The following BRD8 variants were observed in gnomAD, a reference collection of about 807,000 sequenced individuals.
BRD8 encodes bromodomain-containing protein 8.
Under a neutral mutation model 143.1 loss-of-function variants are expected in BRD8, and 67 were observed. That is an observed-to-expected ratio of 0.47 (90% confidence interval 0.38 to 0.57). The LOEUF is 0.57. Among genes scored for constraint, BRD8 ranks in the 20% least tolerant of loss-of-function variants. The pLI, the probability that BRD8 is intolerant of heterozygous loss-of-function variation, is 0.00. For synonymous variants in BRD8, 505 were observed against 517.1 expected, an observed-to-expected ratio of 0.98 and a Z score of 0.32; for missense variants, 1,103 against 1,503.0, an observed-to-expected ratio of 0.73 and a Z score of 4.40.
chr5:138,148,382 G>C (rs1347207787), intron 23 of BRD8, among the ~76,000 whole-genome samples: 1 of 151,898 alleles, frequency 6.6e-6, no homozygotes, highest in African/African-American at 2.4e-5. Flanking sequence ...TTCTTGTTTT[G>C]TTTTCTGAGA....
intron 20 of BRD8, among the ~76,000 whole-genome samples, chr5:138,158,938 G>A (rs1310140454): frequency 6.6e-6 from 1 of 151,682 alleles, no homozygotes; most frequent in Non-Finnish European, 1.5e-5. Flanking sequence ...ACAGCTAGTA[G>A]GGTTTTTTGT....
At chr5:138,169,392 C>T (rs1331334613) in intron 7 of BRD8, 34 bp from the exon 8 acceptor site, 3 of 1,605,180 alleles carry the variant, frequency 1.9e-6, no homozygotes, top group South Asian at 2.2e-5. Context: ...TCCAAATCTT[C>T]AAGATTAAAT....
rs745772814 is a variant in BRD8 at position 138,145,782 on chromosome 5, G to A, written c.3368+7C>T. On this transcript the variant is annotated splice_region_variant and intron_variant, in intron 24 of 26. Coordinates refer to ENST00000254900, the MANE Select transcript of BRD8 (RefSeq NM_139199.2). Reference sequence around the variant, plus strand: ...AACATAATCCTATTACCACTTTGGAGACCTACCTGTGACTGGCAATCATCT... The same window carrying A: ...AACATAATCCTATTACCACTTTGGAAACCTACCTGTGACTGGCAATCATCT... 6.2e-7 allele frequency: 1 copy of A among 1,611,880 alleles called. No individual in the cohort carries two copies. The highest frequency in any genetic ancestry group is 8.5e-7 in the Non-Finnish European group (1 of 1,178,082).
chr5:138,156,259 C>T (rs1214719881), intron 20 of BRD8, among the ~76,000 whole-genome samples: 1 of 152,058 alleles, frequency 6.6e-6, no homozygotes, highest in Non-Finnish European at 1.5e-5. Flanking sequence ...TCTGCCTCAG[C>T]CTCTCAAATA....
chr5:138,161,924 T>TA (rs1753028851), intron 16 of BRD8, 60 bp from the exon 17 acceptor site: 38 of 1,592,994 alleles, frequency 2.4e-5, no homozygotes, highest in Non-Finnish European at 3.0e-5. Flanking sequence ...GGAGGGAACT[T>TA]ACTCTAAGTA....
rs1164826324 is a variant in BRD8 at position 138,160,018 on chromosome 5, G to C, written c.2532+51C>G. On this transcript the variant is annotated intron_variant, in intron 19 of 26. Transcript: ENST00000254900. ...AACATAAGGGTCCTTGGATGCTTCA[G>C]ACTTCTACTACTGGAACACTGGCAC... The C allele has an allele frequency of 7.0e-7, 1 of 1,427,494 alleles. No individual in the cohort carries two copies. Among genetic ancestry groups the C allele is most frequent in the Admixed American group, 1.7e-5 (1 of 59,686 alleles). The allele number at this position is 1,427,494 out of a possible 1,614,324, so 88.4% of individuals were successfully genotyped here.
intron 2 of BRD8, among the ~76,000 whole-genome samples, chr5:138,176,225 A>G (rs1257651146): frequency 6.6e-6 from 1 of 152,166 alleles, no homozygotes; most frequent in African/African-American, 2.4e-5. Flanking sequence ...GTGATTAAAA[A>G]AAACAAAAAA....
intron 25 of BRD8, among the ~76,000 whole-genome samples, chr5:138,141,091 T>C (rs1194436273): frequency 2.6e-5 from 4 of 151,994 alleles, no homozygotes; most frequent in Non-Finnish European, 5.9e-5. Context: ...ACTCACTTAA[T>C]CCTCTCAATA....
In BRD8 at chr5:138,152,625, C is replaced by T. The variant is rs764808196; in HGVS notation, c.2713G>A (p.Glu905Lys). Residue 905 changes from glutamate (E) to lysine (K), a missense_variant, in exon 21 of 27, where the codon GAG becomes AAG. Glu to Lys is a moderately conservative substitution (Grantham distance 56). Around this residue, in one of 7 missense-constraint regions of BRD8, gnomAD observed 369 missense variants for 445.5 expected, o/e 0.83. Transcript: ENST00000254900. ...DLDVGNWRET[E>K]DPEAEELEES... ...TCTAGTTCCTCAGCCTCTGGATCCT[C>T]AGTTTCCCTCCAGTTGCCCACATCA... is the stretch of plus-strand genomic sequence containing the variant. The T allele has an allele frequency of 8.1e-6, 13 of 1,614,122 alleles. No individual in the cohort carries two copies. Among genetic ancestry groups the T allele is most frequent in the Non-Finnish European group, 7.6e-6 (9 of 1,180,036 alleles).
intron 23 of BRD8, among the ~76,000 whole-genome samples, chr5:138,146,221 C>T (rs1328587055): frequency 6.6e-6 from 1 of 151,960 alleles, no homozygotes; most frequent in African/African-American, 2.4e-5. Flanking sequence ...CCACACCCAA[C>T]TAATTTTTGT....
intron 23 of BRD8, among the ~76,000 whole-genome samples, chr5:138,146,882 A>G (rs1336698803): frequency 6.8e-6 from 1 of 147,760 alleles, no homozygotes; most frequent in East Asian, 2.2e-4. Flanking sequence ...AGGCAGGAGA[A>G]TGGTGTGAAC....
intron 1 of BRD8, 98 bp downstream of exon 1, chr5:138,178,498 C>T: frequency 8.6e-7 from 1 of 1,156,814 alleles, no homozygotes; most frequent in Non-Finnish European, 1.3e-6. Flanking sequence ...GGCTCTCAAG[C>T]AACCCACTTC....
chr5:138,156,886 G>GTTT, intron 20 of BRD8: 1 of 996,300 alleles, frequency 1.0e-6, no homozygotes, highest in Non-Finnish European at 1.2e-6. Flanking sequence ...CCAAAGGCTA[G>GTTT]TTTTTTTTTT....
intron 2 of BRD8, among the ~76,000 whole-genome samples, chr5:138,174,820 A>C (rs1282152029): frequency 6.6e-6 from 1 of 151,938 alleles, no homozygotes; most frequent in East Asian, 1.9e-4. Flanking sequence ...CTCTAATGTC[A>C]CTGTGAAGTT....
intron 25 of BRD8, among the ~76,000 whole-genome samples, chr5:138,141,690 T>G (rs942476885): frequency 2.0e-5 from 3 of 152,222 alleles, no homozygotes; most frequent in Non-Finnish European, 4.4e-5. Flanking sequence ...CTTCTCTTAC[T>G]GCACAAATAA....
In BRD8 at chr5:138,171,084, C is replaced by T; in HGVS notation, c.313G>A (p.Val105Ile). The stretch of plus-strand genomic sequence containing the variant: ...TTTATCACTTTCTTTAGTTCTTCAA[C>T]TCGCTCAGCAGTCAATTTCCGAACA... ...VIVRKLTAERVEELKKVIKET... is the reference protein window; with the variant it reads ...VIVRKLTAERIEELKKVIKET... The change falls in exon 5 of 27, where the codon GTT (valine) becomes ATT (isoleucine). Residue 105 changes from valine (V) to isoleucine (I), a missense_variant. By Grantham distance (29) the Val-to-Ile change is conservative. Coordinates refer to ENST00000254900, the MANE Select transcript of BRD8 (RefSeq NM_139199.2). The T allele has an allele frequency of 6.2e-7, 1 of 1,613,942 alleles. No homozygotes were observed. Among genetic ancestry groups the T allele is most frequent in the Non-Finnish European group, 8.5e-7 (1 of 1,179,954 alleles).
rs190873320 is a variant in BRD8 at position 138,157,338 on chromosome 5, T to G, written c.2577+2217A>C. ...GACAAGAGACGGTGCAACAGAAAAG[T>G]TGGGGATTTGGTTTCTTGGGGGAGA... On this transcript the variant is annotated intron_variant, in intron 20 of 26. Coordinates refer to ENST00000254900, the MANE Select transcript of BRD8 (RefSeq NM_139199.2). The G allele has an allele frequency of 3.2e-5, 51 of 1,592,610 alleles. 2 individuals are homozygous for G. The South Asian group carries it at 5.6e-4, about 17-fold the overall frequency.
At position 138,177,684 on chromosome 5, in the gene BRD8, A is replaced by AAG. The variant is rs779930063; in HGVS notation, c.20-18_20-17insCT. The AAG allele has an allele frequency of 1.3e-6, 2 of 1,523,764 alleles. No individual in the cohort carries two copies. Among genetic ancestry groups the AAG allele is most frequent in the East Asian group, 4.5e-5 (2 of 44,408 alleles). The allele number at this position is 1,523,764 out of a possible 1,614,324, so 94.4% of individuals were successfully genotyped here. On this transcript the variant is annotated splice_polypyrimidine_tract_variant and intron_variant, in intron 1 of 26. Coordinates refer to ENST00000254900, the MANE Select transcript of BRD8 (RefSeq NM_139199.2). ...GCTTGTGTTCTGGGAAAGGGAGAAAAAAAAAAAAGCCTTGGAAACAACCAC... is the reference window on the plus strand; with the variant it reads ...GCTTGTGTTCTGGGAAAGGGAGAAAAAGAAAAAAAAGCCTTGGAAACAACCAC...
At chr5:138,156,942 A>T (rs1384469302) in intron 20 of BRD8, 52 of 1,240,470 alleles carry the variant, frequency 4.2e-5, no homozygotes, top group Non-Finnish European at 5.1e-5. Context: ...TGTTTTTTTT[A>T]AAAAGTCTGT....
Sources: allele counts gnomAD v4.1 joint callset (sites outside exome capture counted in the v4.1 genomes callset), GRCh38; gene constraint gnomAD v4.1.1; regional missense constraint gnomAD v4.1.1; transcripts MANE v1.5; gene names NCBI Gene and HGNC (gene_info 2026-07-23, HGNC 2026-07-21).